The following MAP7 variants were observed in gnomAD, a reference collection of about 807,000 sequenced individuals.
The protein encoded by MAP7 is microtubule associated protein 7, also known as ensconsin.
In MAP7, 52 loss-of-function variants were observed where a neutral mutation model predicts 94.8. The ratio of observed to expected loss-of-function variants is 0.55; its 90% confidence interval spans 0.44 to 0.69. The LOEUF (loss-of-function observed/expected upper bound fraction) is 0.69. Among genes scored for constraint, MAP7 ranks in the 30% least tolerant of loss-of-function variants. MAP7 has a pLI of 0.00. For missense variants in MAP7, 940 were observed against 964.6 expected (o/e 0.97, Z 0.34); for synonymous variants, 350 against 357.0 (o/e 0.98, Z 0.22).
intron 1 of MAP7, among the ~76,000 whole-genome samples, chr6:136,427,494 T>G (rs1483998332): frequency 1.3e-5 from 2 of 152,218 alleles, no homozygotes; most frequent in Non-Finnish European, 2.9e-5. Context: ...TCTCATTTGC[T>G]CTTCTATACA....
chr6:136,369,562 G>C (rs1411346776), intron 8 of MAP7, among the ~76,000 whole-genome samples: 1 of 102,924 alleles, frequency 9.7e-6, no homozygotes, highest in Non-Finnish European at 2.2e-5. Context: ...GACAGAGTGA[G>C]ACTGTCTCAA....
chr6:136,408,713 G>A (rs1277530005), intron 3 of MAP7, among the ~76,000 whole-genome samples: 1 of 149,520 alleles, frequency 6.7e-6, no homozygotes, highest in African/African-American at 2.5e-5. Context: ...TTTTTTTTTT[G>A]TTTTCAAATT....
intron 1 of MAP7, among the ~76,000 whole-genome samples, chr6:136,423,665 G>C (rs893362777): frequency 6.6e-6 from 1 of 151,556 alleles, no homozygotes; most frequent in Admixed American, 6.6e-5. Context: ...TCAGGGTTTG[G>C]GGGAGATGAC....
chr6:136,420,180 GC>G, intron 2 of MAP7: 4 of 982,936 alleles, frequency 4.1e-6, no homozygotes, highest in Non-Finnish European at 6.6e-6. Flanking sequence ...TCTGCAGTGG[GC>G]CCCCAGATGA....
At chr6:136,448,089 G>A (rs1032311138) in intron 1 of MAP7, among the ~76,000 whole-genome samples, 1 of 152,112 alleles carries the variant, frequency 6.6e-6, no homozygotes, top group Non-Finnish European at 1.5e-5. Flanking sequence ...CTATTTAGGA[G>A]GCTGAGGCAG....
chr6:136,477,073 C>T (rs1811165984), intron 1 of MAP7, among the ~76,000 whole-genome samples: 1 of 152,072 alleles, frequency 6.6e-6, no homozygotes, highest in African/African-American at 2.4e-5. Flanking sequence ...CAAAATAATT[C>T]CTCATAAGAT....
At chr6:136,419,582 A>G (rs1262060388) in intron 2 of MAP7, among the ~76,000 whole-genome samples, 1 of 152,148 alleles carries the variant, frequency 6.6e-6, no homozygotes, top group Non-Finnish European at 1.5e-5. Flanking sequence ...CCCCATGTGT[A>G]CCTTAAGTAA....
chr6:136,404,292 G>A (rs916870337), intron 3 of MAP7, among the ~76,000 whole-genome samples: 1 of 151,042 alleles, frequency 6.6e-6, no homozygotes, highest in African/African-American at 2.4e-5. Flanking sequence ...TAGTACTGCC[G>A]TCACTCACTG....
intron 1 of MAP7, among the ~76,000 whole-genome samples, chr6:136,459,533 A>G (rs1401830724): frequency 6.6e-6 from 1 of 152,158 alleles, no homozygotes; most frequent in Non-Finnish European, 1.5e-5. Context: ...AGTGAATGGA[A>G]AAAGGTAGTA....
intron 1 of MAP7, among the ~76,000 whole-genome samples, chr6:136,483,583 T>A (rs1240511296): frequency 6.6e-6 from 1 of 151,752 alleles, no homozygotes; most frequent in Non-Finnish European, 1.5e-5. Context: ...TATTGATAGT[T>A]AAAAAAAATG....
chr6:136,482,298 C>G (rs1193015496), intron 1 of MAP7, among the ~76,000 whole-genome samples: 2 of 152,122 alleles, frequency 1.3e-5, no homozygotes, highest in Non-Finnish European at 2.9e-5. Flanking sequence ...ATAAATTGTT[C>G]TACCATAAAG....
intron 1 of MAP7, among the ~76,000 whole-genome samples, chr6:136,490,125 C>A (rs1187770128): frequency 6.6e-6 from 1 of 152,074 alleles, no homozygotes; most frequent in Non-Finnish European, 1.5e-5. Context: ...TTATTATTAA[C>A]CCTGTGGTTA....
At chr6:136,440,810 T>C (rs561359325) in intron 1 of MAP7, among the ~76,000 whole-genome samples, 99 of 150,032 alleles carry the variant, frequency 6.6e-4, no homozygotes, top group Middle Eastern at 3.4e-3. Flanking sequence ...ATCTTAAAAA[T>C]AAAATATTTA....
intron 1 of MAP7, among the ~76,000 whole-genome samples, chr6:136,525,006 A>G (rs1827426859): frequency 6.6e-6 from 1 of 152,190 alleles, no homozygotes; most frequent in Non-Finnish European, 1.5e-5. Context: ...AAAATGTAAA[A>G]CACAGGCCTT....
chr6:136,516,729 A>G (rs1250627683), intron 1 of MAP7, among the ~76,000 whole-genome samples: 2 of 152,206 alleles, frequency 1.3e-5, no homozygotes, highest in African/African-American at 4.8e-5. Context: ...GAGAAACAAG[A>G]AGTATTGAAA....
intron 1 of MAP7, chr6:136,525,987 T>A: frequency 6.7e-7 from 1 of 1,495,256 alleles, no homozygotes; most frequent in Non-Finnish European, 8.8e-7. Flanking sequence ...TGTTTTTTTT[T>A]TTTTTAATTG....
chr6:136,495,385 C>G (rs890349389), intron 1 of MAP7, among the ~76,000 whole-genome samples: 7 of 151,960 alleles, frequency 4.6e-5, no homozygotes, highest in African/African-American at 1.5e-4. Context: ...CATTCTTGAA[C>G]TCTAGTCTTC....
intron 1 of MAP7, among the ~76,000 whole-genome samples, chr6:136,433,666 C>T (rs1447704633): frequency 2.6e-5 from 4 of 152,178 alleles, no homozygotes; most frequent in Non-Finnish European, 5.9e-5. Flanking sequence ...CATTCCTACC[C>T]TTCTTAGTTT....
At chr6:136,437,458 G>A (rs541395410) in intron 1 of MAP7, among the ~76,000 whole-genome samples, 46 of 152,264 alleles carry the variant, frequency 3.0e-4, no homozygotes, top group South Asian at 1.0e-3. Flanking sequence ...AGCTAACACC[G>A]GTTCCATCAG....
Sources: allele counts gnomAD v4.1 joint callset (sites outside exome capture counted in the v4.1 genomes callset), GRCh38; gene constraint gnomAD v4.1.1; transcripts MANE v1.5; gene names NCBI Gene and HGNC (gene_info 2026-07-23, HGNC 2026-07-21).